GAS6: variants seen among roughly 807,000 people sequenced by gnomAD.
GAS6 encodes the protein growth arrest-specific protein 6.
GAS6 carries 41 observed loss-of-function variants against 75.8 expected under a neutral mutation model. The observed-to-expected ratio is 0.54, with a 90% CI of 0.42 to 0.70. GAS6 has a LOEUF of 0.70. Among genes scored for constraint, GAS6 ranks in the 30% least tolerant of loss-of-function variants. GAS6 has a pLI of 0.00. For synonymous variants in GAS6, 432 were observed against 412.6 expected (o/e 1.05, Z -0.57); for missense variants, 854 against 940.2 (o/e 0.91, Z 1.20).
At chr13:113,838,307 T>C in intron 5 of GAS6, 116 bp from the exon 6 acceptor site, 2 of 1,261,014 alleles carry the variant, frequency 1.6e-6, no homozygotes, top group Non-Finnish European at 2.2e-6. Flanking sequence ...AGCCCAGAGG[T>C]GCACAGCCCA....
rs79173550 is a variant in GAS6 at position 113,824,735 on chromosome 13, C to T, written c.1478-1185G>A. Among the ~76,000 whole-genome samples, 106 of 150,928 alleles carry T rather than the reference C, an allele frequency of 7.0e-4. 2 individuals are homozygous for T. The East Asian group carries it at 0.019, about 28-fold the overall frequency. On this transcript the variant is annotated intron_variant, in intron 12 of 14. Transcript: ENST00000327773. ...GGCTGTGTACGCCTGAAACCCACATCGCCTGTCCTGCCTGTCCCTAGCTGG... is the reference window on the plus strand; with the variant it reads ...GGCTGTGTACGCCTGAAACCCACATTGCCTGTCCTGCCTGTCCCTAGCTGG...
intron 4 of GAS6, chr13:113,842,519 C>T (rs942907317): frequency 4.5e-5 from 18 of 396,306 alleles, no homozygotes; most frequent in Non-Finnish European, 6.6e-5. Context: ...GTCCGCGGGG[C>T]GTCTGGAGAC....
chr13:113,826,583 C>CTCGGCT (rs1594190100), intron 12 of GAS6, among the ~76,000 whole-genome samples: 6 of 82,822 alleles, frequency 7.2e-5, no homozygotes, highest in Non-Finnish European at 1.1e-4. Flanking sequence ...CGGCGCTGGC[C>CTCGGCT]TCGCAGGCAC....
Position 113,835,620 on chromosome 13 carries a change from G to A in GAS6, c.605C>T (p.Ala202Val). The change falls in exon 7 of 15, where the codon GCA (alanine) becomes GTA (valine). Residue 202 changes from alanine to valine, a missense_variant. By Grantham distance (64) the Ala-to-Val change is moderately conservative (BLOSUM62 0). Transcript: ENST00000327773. Reference sequence around the variant, plus strand: ...CGCCTCCCCGCAGGCCTCCGAGTCTGCGCACTCGTCTATGTCTGCAAGCAA... The same window carrying A: ...CGCCTCCCCGCAGGCCTCCGAGTCTACGCACTCGTCTATGTCTGCAAGCAA... ...GRTCQDIDEC[A>V]DSEACGEARC... The A allele has an allele frequency of 1.2e-6, 2 of 1,612,084 alleles. No homozygotes were observed. The highest frequency in any genetic ancestry group is 1.8e-4 in the Middle Eastern group (1 of 5,674).
At position 113,834,583 on chromosome 13, in the gene GAS6, G is replaced by A; in HGVS notation, c.802C>T (p.Leu268Phe). 30 of 1,604,296 alleles carry A rather than the reference G, an allele frequency of 1.9e-5. No homozygotes were observed. Among genetic ancestry groups the A allele is most frequent in the Non-Finnish European group, 2.5e-5 (29 of 1,176,378 alleles). ...YTCHCDGRGG[L>F]KLSQDMDTCE... ...GTGTCCATGTCCTGGGACAGCTTGA[G>A]GCCCCCACGCCCGTCACAGTGGCAG... The change falls in exon 8 of 15, where the codon CTC becomes TTC. Residue 268 changes from leucine (L) to phenylalanine (F), a missense_variant. Coordinates refer to ENST00000327773, the MANE Select transcript of GAS6 (RefSeq NM_000820.4).
At chr13:113,823,205 G>T in intron 13 of GAS6, 170 bp downstream of exon 13, 1 of 675,876 alleles carries the variant, frequency 1.5e-6, no homozygotes. Flanking sequence ...AACAACCCCC[G>T]CAGCCCGAAG....
Position 113,840,804 on chromosome 13 carries a change from T to G in GAS6, c.344-954A>C, listed in dbSNP as rs962750031. 2.0e-5 allele frequency: 3 copies of G among 152,352 alleles called. No individual in the cohort carries two copies. In the East Asian group the frequency reaches 5.8e-4, roughly 29 times the overall value. The allele number at this position is 152,352 out of a possible 1,614,324, so 9.4% of individuals were successfully genotyped here. On this transcript the variant is annotated intron_variant, in intron 4 of 14. Coordinates refer to ENST00000327773, the MANE Select transcript of GAS6 (RefSeq NM_000820.4). ...ACTCAGCTCAGCCCCACATGAGGAC[T>G]CAGCCACGCTCAGCTTAGCCACACA...
Position 113,844,619 on chromosome 13 carries a change from G to C in GAS6, c.343+1908C>G, listed in dbSNP as rs771166572. 1.3e-5 allele frequency: 2 copies of C among 150,308 alleles called. No individual in the cohort carries two copies. The highest frequency in any genetic ancestry group is 2.9e-5 in the Non-Finnish European group (2 of 67,994). 9.3% of individuals were successfully genotyped at this position (150,308 alleles called of 1,614,324 possible). On this transcript the variant is annotated intron_variant, in intron 4 of 14. Coordinates refer to ENST00000327773, the MANE Select transcript of GAS6 (RefSeq NM_000820.4). This position sits in a 1 kb window ranked among gnomAD's most constrained non-coding sequence, Gnocchi z 5.7. ...TTTAGGTTTTTAAGAATATTTTTAA[G>C]GTTTAGTTTTATTAAAAAATAAGCA...
At chr13:113,834,067 T>C (rs1343787043) in intron 8 of GAS6, among the ~76,000 whole-genome samples, 4 of 125,386 alleles carry the variant, frequency 3.2e-5, no homozygotes, top group African/African-American at 1.3e-4. Flanking sequence ...GTGTGACAGG[T>C]CGGTGTGACA....
chr13:113,834,468 CG>C (rs2051674184), intron 8 of GAS6, 82 bp downstream of exon 8: 7 of 1,353,844 alleles, frequency 5.2e-6, no homozygotes, highest in Middle Eastern at 2.8e-4. Context: ...CAGGTCTTCA[CG>C]GAAGTGTTTC....
intron 14 of GAS6, chr13:113,821,542 A>G (rs6602889): frequency 0.11 from 26,396 of 238,276 alleles, 3,045 homozygotes; most frequent in African/African-American, 0.34. Flanking sequence ...GGGACACGGC[A>G]GGACGCCCTG....
intron 10 of GAS6, among the ~76,000 whole-genome samples, chr13:113,831,201 A>C (rs1287940939): frequency 1.3e-5 from 2 of 152,274 alleles, no homozygotes; most frequent in African/African-American, 4.8e-5. Context: ...TGCAGGTCTG[A>C]CCAGGACCCC....
intron 2 of GAS6, among the ~76,000 whole-genome samples, chr13:113,853,104 T>TA (rs1427168258): frequency 3.3e-5 from 5 of 152,308 alleles, no homozygotes; most frequent in African/African-American, 7.2e-5. Flanking sequence ...ATTCACTTTT[T>TA]AAAAATGGCC....
At chr13:113,834,786 C>T in intron 7 of GAS6, 114 bp from the exon 8 acceptor site, 1 of 1,192,556 alleles carries the variant, frequency 8.4e-7, no homozygotes, top group Non-Finnish European at 1.1e-6. Flanking sequence ...GAATTACATG[C>T]AGATTCTAAC....
At chr13:113,855,107 AGTC>A in intron 2 of GAS6, among the ~76,000 whole-genome samples, 1 of 152,364 alleles carries the variant, frequency 6.6e-6, no homozygotes, top group Middle Eastern at 3.4e-3. Context: ...AAAATAAAAT[AGTC>A]GTGGGCACAG....
At chr13:113,860,825 C>T (rs1364478847) in intron 2 of GAS6, among the ~76,000 whole-genome samples, 5 of 152,116 alleles carry the variant, frequency 3.3e-5, no homozygotes, top group African/African-American at 4.8e-5. Flanking sequence ...GGCTTGAAAC[C>T]ACAGGTGTGT....
At position 113,832,766 on chromosome 13, in the gene GAS6, G is replaced by A; in HGVS notation, c.835-14C>T. 2 of 1,612,442 alleles carry A rather than the reference G, an allele frequency of 1.2e-6. No homozygotes were observed. Among genetic ancestry groups the A allele is most frequent in the Non-Finnish European group, 1.7e-6 (2 of 1,179,874 alleles). ...CGGCAAGATGTCCTGCCACGGACGG[G>A]GGCCACGCCGGTCGGGGATGTGGCC... On this transcript the variant is annotated splice_polypyrimidine_tract_variant and intron_variant, in intron 8 of 14. Coordinates refer to ENST00000327773, the MANE Select transcript of GAS6 (RefSeq NM_000820.4).
At position 113,863,922 on chromosome 13, in the gene GAS6, G is replaced by C. The variant is rs2051995085; in HGVS notation, c.-2C>G. 8.7e-6 allele frequency: 10 copies of C among 1,150,140 alleles called. No homozygotes were observed. Among genetic ancestry groups the C allele is most frequent in the South Asian group, 8.5e-5 (2 of 23,666 alleles). The allele number at this position is 1,150,140 out of a possible 1,614,324, so 71.2% of individuals were successfully genotyped here. A position where few individuals can be genotyped will look rare whatever the true frequency, so the allele number is the denominator to read the frequency against. ...CCCGGGCGAGAGCGAAGGGGCCATG[G>C]CGGGCCGGGGACGCGCGGTCAGAGC... On this transcript the variant is annotated 5_prime_UTR_variant, in exon 1 of 15. Coordinates refer to ENST00000327773, the MANE Select transcript of GAS6 (RefSeq NM_000820.4). The surrounding 1 kb of genome is among the most constrained non-coding windows in gnomAD (Gnocchi z 9.4).
chr13:113,863,699 G>C lies in GAS6; in HGVS notation c.131C>G (p.Pro44Arg). Residue 44 changes from proline (P) to arginine (R), a missense_variant, in exon 2 of 15, where the codon CCC becomes CGC. Coordinates refer to ENST00000327773, the MANE Select transcript of GAS6 (RefSeq NM_000820.4). The surrounding 1 kb of genome is among the most constrained non-coding windows in gnomAD (Gnocchi z 9.4). ...PAREATQFLR[P>R]RQRRAFQVFE... ...GACCTGAAAGGCGCGGCGCTGCCTGGGCCGCAGGAACTGCGTGGCCTCGCG... is the reference window on the plus strand; with the variant it reads ...GACCTGAAAGGCGCGGCGCTGCCTGCGCCGCAGGAACTGCGTGGCCTCGCG... The C allele has an allele frequency of 6.6e-7, 1 of 1,514,102 alleles. No homozygotes were observed. Among genetic ancestry groups the C allele is most frequent in the Non-Finnish European group, 8.8e-7 (1 of 1,133,052 alleles). The allele number at this position is 1,514,102 out of a possible 1,614,324, so 93.8% of individuals were successfully genotyped here.
Sources: gnomAD v4.1 joint callset for allele counts (sites outside exome capture counted in the v4.1 genomes callset) on GRCh38, gnomAD v4.1.1 for gene constraint, Gnocchi (gnomAD v3.1) non-coding constraint, MANE v1.5 for transcripts, NCBI Gene and HGNC (gene_info 2026-07-23, HGNC 2026-07-21) for gene names.